Variants in STX8 observed in about 807,000 individuals in gnomAD.
STX8 encodes the protein syntaxin 8.
In STX8, 23 loss-of-function variants were observed where a neutral mutation model predicts 37.5. The observed-to-expected ratio is 0.61, with a 90% CI of 0.44 to 0.87. The LOEUF is 0.87. STX8 is among the 40% of genes least tolerant of loss of function. STX8 has a pLI of 0.00. For synonymous variants in STX8, 115 were observed against 99.1 expected (o/e 1.16, Z -0.95); for missense variants, 313 against 284.7 (o/e 1.10, Z -0.71).
At chr17:9,324,270 C>T (rs989347189) in intron 7 of STX8, among the ~76,000 whole-genome samples, 2 of 152,154 alleles carry the variant, frequency 1.3e-5, no homozygotes, top group Non-Finnish European at 2.9e-5. Context: ...AAACGCTGCT[C>T]TTCCTTCCTG....
intron 5 of STX8, among the ~76,000 whole-genome samples, chr17:9,503,849 C>T (rs1012022109): frequency 2.6e-5 from 4 of 152,202 alleles, no homozygotes; most frequent in African/African-American, 7.2e-5. Context: ...ACTGCAACCT[C>T]TGCCTCCTGG....
At chr17:9,458,151 T>G (rs538608536) in intron 6 of STX8, among the ~76,000 whole-genome samples, 2 of 152,286 alleles carry the variant, frequency 1.3e-5, no homozygotes, top group Middle Eastern at 3.4e-3. Context: ...TATGCTGGCT[T>G]TTAATTTTAT....
intron 6 of STX8, among the ~76,000 whole-genome samples, chr17:9,484,670 A>T (rs1423948214): frequency 6.6e-6 from 1 of 151,086 alleles, no homozygotes; most frequent in African/African-American, 2.4e-5. Flanking sequence ...ACAAAAAAAA[A>T]AAAAAAATTA....
Position 9,505,050 on chromosome 17 carries a change from TCTG to T in STX8, c.433_435del (p.Gln145del), listed in dbSNP as rs770181122. The stretch of plus-strand genomic sequence containing the variant: ...GGATATTTAGTACCTTGGATAATTT[TCTG>T]CTGCTGTTGCCGGATTTCATCAAAA... On this transcript the variant is annotated inframe_deletion, in exon 5 of 8. Transcript: ENST00000306357. 1.1e-5 allele frequency: 17 copies of T among 1,612,704 alleles called. No individual in the cohort carries two copies. In the Admixed American group the frequency reaches 2.7e-4, roughly 25 times the overall value.
chr17:9,365,532 C>G (rs1911203366), intron 7 of STX8, among the ~76,000 whole-genome samples: 1 of 152,254 alleles, frequency 6.6e-6, no homozygotes, highest in Admixed American at 6.5e-5. Context: ...CTAATGAAGA[C>G]ACAGACTTGG....
At chr17:9,360,227 C>CTTTTTTTT (rs58213453) in intron 7 of STX8, among the ~76,000 whole-genome samples, 3 of 72,608 alleles carry the variant, frequency 4.1e-5, no homozygotes, top group African/African-American at 1.6e-4. Flanking sequence ...AATTAACCGT[C>CTTTTTTTT]TTTTTTTTTT....
chr17:9,288,497 T>G (rs1339647613), intron 7 of STX8, among the ~76,000 whole-genome samples: 8 of 151,428 alleles, frequency 5.3e-5, no homozygotes, highest in Non-Finnish European at 1.2e-4. Context: ...CCGTCTCTAC[T>G]AAAATGACAA....
intron 6 of STX8, among the ~76,000 whole-genome samples, chr17:9,446,257 GTA>G (rs1239161270): frequency 6.6e-6 from 1 of 152,192 alleles, no homozygotes; most frequent in Non-Finnish European, 1.5e-5. Flanking sequence ...CTGGCACATA[GTA>G]GATCCTCACT....
chr17:9,307,406 C>G (rs1909038468), intron 7 of STX8, among the ~76,000 whole-genome samples: 1 of 152,196 alleles, frequency 6.6e-6, no homozygotes, highest in South Asian at 2.1e-4. Context: ...TTCGGTCTTC[C>G]TCTCGGGTCA....
intron 1 of STX8, 39 bp from the exon 2 acceptor site, chr17:9,568,509 C>CT (rs750799078): frequency 6.3e-4 from 961 of 1,523,922 alleles, no homozygotes; most frequent in Non-Finnish European, 6.7e-4. Context: ...GTTTAAGGTT[C>CT]TTTTTTTTTG....
intron 7 of STX8, among the ~76,000 whole-genome samples, chr17:9,344,595 T>C (rs1910474085): frequency 6.6e-6 from 1 of 152,024 alleles, no homozygotes. Flanking sequence ...CCAGCCCTCC[T>C]CTGTTCAGTG....
chr17:9,360,927 G>T (rs963254978), intron 7 of STX8, among the ~76,000 whole-genome samples: 4 of 152,140 alleles, frequency 2.6e-5, no homozygotes, highest in Non-Finnish European at 5.9e-5. Context: ...CCGGCTACAG[G>T]TCCCTGACAG....
intron 4 of STX8, among the ~76,000 whole-genome samples, chr17:9,533,152 C>T (rs972330870): frequency 6.6e-6 from 1 of 152,204 alleles, no homozygotes; most frequent in Admixed American, 6.5e-5. Flanking sequence ...CTCTATGAAA[C>T]TGTATCAATG....
Position 9,279,974 on chromosome 17 carries a change from T to G in STX8, c.644-29329A>C, listed in dbSNP as rs537634056. On this transcript the variant is annotated intron_variant, in intron 7 of 7. Coordinates refer to ENST00000306357, the MANE Select transcript of STX8 (RefSeq NM_004853.3). ...ATATAACAGGGTGTGATGGCTTACA[T>G]CTGTAATCCCAGCACTTCGGTGGAT... is the stretch of plus-strand genomic sequence containing the variant. Among the ~76,000 whole-genome samples, 45 of 152,326 alleles carry G rather than the reference T, an allele frequency of 3.0e-4. 1 individual carries two copies. The highest frequency in any genetic ancestry group is 2.5e-3 in the South Asian group (12 of 4,826).
intron 7 of STX8, among the ~76,000 whole-genome samples, chr17:9,364,556 T>A (rs7220813): frequency 1.3e-5 from 2 of 151,298 alleles, no homozygotes; most frequent in Admixed American, 1.3e-4. Flanking sequence ...TTGAGACAGT[T>A]TTTTGCTCTT....
At chr17:9,506,038 A>G (rs1211667343) in intron 4 of STX8, among the ~76,000 whole-genome samples, 1 of 152,134 alleles carries the variant, frequency 6.6e-6, no homozygotes, top group Non-Finnish European at 1.5e-5. Context: ...TAGCATTCAT[A>G]ACAGAATAAA....
At chr17:9,535,263 G>A (rs1905982835) in intron 4 of STX8, among the ~76,000 whole-genome samples, 1 of 151,666 alleles carries the variant, frequency 6.6e-6, no homozygotes, top group Non-Finnish European at 1.5e-5. Flanking sequence ...TCTGGAGTAG[G>A]ATACAAAAGT....
intron 4 of STX8, among the ~76,000 whole-genome samples, chr17:9,515,567 G>A (rs1905137485): frequency 6.6e-6 from 1 of 152,080 alleles, no homozygotes; most frequent in Non-Finnish European, 1.5e-5. Context: ...CTGTCACCCA[G>A]GCGGGAGTGC....
chr17:9,506,875 C>T (rs920216209), intron 4 of STX8, among the ~76,000 whole-genome samples: 3 of 152,048 alleles, frequency 2.0e-5, no homozygotes, highest in Non-Finnish European at 4.4e-5. Flanking sequence ...AGTGTGCCTT[C>T]CTCTTGGGGC....
Sources: gnomAD v4.1 joint callset for allele counts (sites outside exome capture counted in the v4.1 genomes callset) on GRCh38, gnomAD v4.1.1 for gene constraint, MANE v1.5 for transcripts, NCBI Gene and HGNC (gene_info 2026-07-23, HGNC 2026-07-21) for gene names.